The following OSBPL6 variants were observed in gnomAD, a reference collection of about 807,000 sequenced individuals.
The protein encoded by OSBPL6 is oxysterol binding protein like 6, also known as oxysterol-binding protein-related protein 6.
Under a neutral mutation model 125.8 loss-of-function variants are expected in OSBPL6, and 49 were observed. That is an observed-to-expected ratio of 0.39 (90% CI 0.31 to 0.49). OSBPL6 has a LOEUF of 0.49. OSBPL6 is among the 20% of genes least tolerant of loss of function. The probability of loss-of-function intolerance (pLI) is 0.88; values close to 1 mark genes in which losing one functional copy is unlikely to be tolerated. For missense variants in OSBPL6, 986 were observed against 1,135.4 expected, an observed-to-expected ratio of 0.87 and a Z score of 1.89; for synonymous variants, 394 against 391.8, an observed-to-expected ratio of 1.01 and a Z score of -0.07.
At chr2:178,318,199 G>T (rs978005692) in intron 3 of OSBPL6, among the ~76,000 whole-genome samples, 1 of 152,138 alleles carries the variant, frequency 6.6e-6, no homozygotes, top group Non-Finnish European at 1.5e-5. Flanking sequence ...CCACTTGATG[G>T]GTCCACATGG....
intron 8 of OSBPL6, among the ~76,000 whole-genome samples, chr2:178,334,877 TC>T (rs1689540139): frequency 1.3e-5 from 2 of 152,212 alleles, no homozygotes; most frequent in South Asian, 4.1e-4. Flanking sequence ...TATTTAATTA[TC>T]TTTTTTCTAG....
intron 11 of OSBPL6, among the ~76,000 whole-genome samples, chr2:178,346,669 C>A (rs1690747341): frequency 1.3e-5 from 2 of 152,172 alleles, no homozygotes; most frequent in Admixed American, 1.3e-4. Context: ...CCACTCCAAC[C>A]ATCACTGACA....
chr2:178,327,664 C>CT (rs201073284), intron 4 of OSBPL6, among the ~76,000 whole-genome samples: 4,569 of 152,196 alleles, frequency 0.03, 220 homozygotes, highest in African/African-American at 0.1. Flanking sequence ...AACCCAGGGG[C>CT]TCCCAGGGGC....
intron 19 of OSBPL6, among the ~76,000 whole-genome samples, chr2:178,385,927 T>C (rs1006094090): frequency 2.0e-5 from 3 of 152,224 alleles, no homozygotes; most frequent in Non-Finnish European, 4.4e-5. Context: ...ATAATCTAAA[T>C]AGATATGCAA....
At chr2:178,385,588 G>A (rs1404379633) in intron 19 of OSBPL6, 67 bp downstream of exon 19, 4 of 1,195,386 alleles carry the variant, frequency 3.3e-6, no homozygotes, top group Non-Finnish European at 4.9e-6. Flanking sequence ...GGCTTCCAAA[G>A]GGACACTGTA....
At chr2:178,252,129 G>T (rs1158673474) in intron 1 of OSBPL6, among the ~76,000 whole-genome samples, 1 of 61,896 alleles carries the variant, frequency 1.6e-5, no homozygotes. Context: ...TGCCAAAAAG[G>T]TATAAAAACT....
chr2:178,391,649 C>T (rs1295908457), intron 22 of OSBPL6, among the ~76,000 whole-genome samples: 7 of 152,182 alleles, frequency 4.6e-5, no homozygotes, highest in South Asian at 2.1e-4. Context: ...AATAAGTAAT[C>T]TTTTCACTTG....
intron 1 of OSBPL6, among the ~76,000 whole-genome samples, chr2:178,235,471 A>G (rs1382857885): frequency 7.6e-6 from 1 of 132,402 alleles, no homozygotes; most frequent in African/African-American, 3.0e-5. Context: ...CGGTGGTGCA[A>G]TCCTGGCTCA....
At chr2:178,368,435 G>A (rs546889730) in intron 13 of OSBPL6, among the ~76,000 whole-genome samples, 21 of 152,230 alleles carry the variant, frequency 1.4e-4, no homozygotes, top group African/African-American at 4.8e-4. Context: ...ATAAAATGAT[G>A]TCTTTAAAAC....
At chr2:178,232,714 T>G (rs1262040416) in intron 1 of OSBPL6, among the ~76,000 whole-genome samples, 1 of 141,252 alleles carries the variant, frequency 7.1e-6, no homozygotes, top group Admixed American at 7.0e-5. Context: ...TCACATGCTG[T>G]TTTTTTTTTT....
chr2:178,370,239 T>C (rs540214531), intron 13 of OSBPL6, among the ~76,000 whole-genome samples: 1 of 152,290 alleles, frequency 6.6e-6, no homozygotes, highest in South Asian at 2.1e-4. Flanking sequence ...CACTCCAGCC[T>C]GGGTGACAGA....
At chr2:178,219,638 T>C (rs2090254279) in intron 1 of OSBPL6, among the ~76,000 whole-genome samples, 1 of 152,242 alleles carries the variant, frequency 6.6e-6, no homozygotes, top group Non-Finnish European at 1.5e-5. Flanking sequence ...AATCAGTGCA[T>C]GTTGCTGCTG....
chr2:178,392,735 C>A (rs1035761729), intron 23 of OSBPL6, among the ~76,000 whole-genome samples, 197 bp downstream of exon 23: 2 of 151,850 alleles, frequency 1.3e-5, no homozygotes, highest in Non-Finnish European at 2.9e-5. Context: ...GTGGGGCATG[C>A]CTAAAGTCCC....
intron 2 of OSBPL6, among the ~76,000 whole-genome samples, chr2:178,286,750 C>T (rs1039300837): frequency 2.0e-5 from 3 of 152,102 alleles, no homozygotes; most frequent in African/African-American, 7.2e-5. Context: ...GAATGACCCC[C>T]GTAGGGATTT....
chr2:178,275,411 C>T (rs1489570730), intron 1 of OSBPL6, among the ~76,000 whole-genome samples: 1 of 152,130 alleles, frequency 6.6e-6, no homozygotes, highest in South Asian at 2.1e-4. Context: ...ACTCACAAGG[C>T]AGAGGCAGGA....
intron 2 of OSBPL6, among the ~76,000 whole-genome samples, chr2:178,302,002 A>T (rs1574807681): frequency 6.6e-6 from 1 of 152,132 alleles, no homozygotes; most frequent in South Asian, 2.1e-4. Flanking sequence ...CTTGGTTGTG[A>T]CTCATTGCAA....
chr2:178,358,732 A>T (rs919442310), intron 12 of OSBPL6, among the ~76,000 whole-genome samples: 1 of 152,166 alleles, frequency 6.6e-6, no homozygotes, highest in African/African-American at 2.4e-5. Flanking sequence ...CAGGCTAAAA[A>T]ATCAAAAATA....
At chr2:178,389,612 A>C (rs1695235087) in intron 21 of OSBPL6, among the ~76,000 whole-genome samples, 1 of 152,216 alleles carries the variant, frequency 6.6e-6, no homozygotes, top group African/African-American at 2.4e-5. Context: ...ATGCTTATCC[A>C]ACCCTGCCAC....
Position 178,324,857 on chromosome 2 carries a change from C to G in OSBPL6, c.195+588C>G, listed in dbSNP as rs1466326516. Among the ~76,000 whole-genome samples the G allele has an allele frequency of 2.0e-5, 3 of 152,202 alleles. No individual in the cohort carries two copies. The East Asian group carries it at 5.8e-4, about 29-fold the overall frequency. ...AGAATTCAAACTTAGACTTGTCCAA[C>G]TCCACAACCAATGCTTGTCAGCTCT... On this transcript the variant is annotated intron_variant, in intron 4 of 24. Coordinates refer to ENST00000190611, the MANE Select transcript of OSBPL6 (RefSeq NM_032523.4).
Sources: gnomAD v4.1 joint callset for allele counts (sites outside exome capture counted in the v4.1 genomes callset) on GRCh38, gnomAD v4.1.1 for gene constraint, MANE v1.5 for transcripts, NCBI Gene and HGNC (gene_info 2026-07-23, HGNC 2026-07-21) for gene names.